Variants in METTL25B observed in about 807,000 individuals in gnomAD.
METTL25B encodes the protein methyltransferase like 25B, also known as methyltransferase-like protein 25B.
A neutral mutation model predicts 48.4 loss-of-function variants in METTL25B; 38 were observed. The ratio of observed to expected loss-of-function variants is 0.78; its 90% CI spans 0.61 to 1.03. The LOEUF (loss-of-function observed/expected upper bound fraction) is 1.03, where lower values mean the gene tolerates loss of function less well. METTL25B is among the 50% of genes least tolerant of loss of function. The probability of loss-of-function intolerance (pLI) is 0.00; values close to 1 mark genes in which losing one functional copy is unlikely to be tolerated. For synonymous variants in METTL25B, 230 were observed against 254.5 expected (o/e 0.90, Z 0.92); for missense variants, 537 against 603.7 (o/e 0.89, Z 1.16).
intron 1 of METTL25B, among the ~76,000 whole-genome samples, chr1:156,731,778 G>C (rs1389553561): frequency 6.6e-6 from 1 of 152,212 alleles, no homozygotes; most frequent in Non-Finnish European, 1.5e-5. Flanking sequence ...TGGACTCCAG[G>C]GAAACAGAGT....
chr1:156,734,382 G>T lies in METTL25B; in HGVS notation c.1010G>T (p.Arg337Leu), dbSNP rs564040904. ...ERLQKAGPGLRTHCYRAALET... is the reference protein window; with the variant it reads ...ERLQKAGPGLLTHCYRAALET... ...CTACAGAAAGCTGGCCCTGGCCTTC[G>T]AACTCACTGCTACCGTGCAGCACTG... The change falls in exon 6 of 8, where the codon CGA becomes CTA. Residue 337 changes from arginine to leucine, a missense_variant. Arg to Leu is a moderately radical substitution (Grantham distance 102). Transcript: ENST00000368216. 7 of 1,613,734 alleles carry T rather than the reference G, an allele frequency of 4.3e-6. No individual in the cohort carries two copies. The highest frequency in any genetic ancestry group is 4.2e-6 in the Non-Finnish European group (5 of 1,179,824).
At chr1:156,729,383 T>C in intron 1 of METTL25B, 168 bp downstream of exon 1, 2 of 519,994 alleles carry the variant, frequency 3.8e-6, no homozygotes, top group South Asian at 2.7e-5. Context: ...TCCTTTTTTT[T>C]CAGCTGACAT....
At chr1:156,729,402 TTTC>T in intron 1 of METTL25B, 187 bp downstream of exon 1, 6 of 480,606 alleles carry the variant, frequency 1.2e-5, no homozygotes, top group Middle Eastern at 4.8e-4. Context: ...ATAAATAATA[TTTC>T]TTTTTTTTTC....
At position 156,729,177 on chromosome 1, in the gene METTL25B, C is replaced by T. The variant is rs761044351; in HGVS notation, c.73C>T (p.Leu25=). The change falls in exon 1 of 8, where the codon CTG becomes TTG. Residue 25 remains leucine, a synonymous_variant. Transcript: ENST00000368216. The stretch of plus-strand genomic sequence containing the variant: ...GCTAGCTGTTAACCTCACCCGTGTC[C>T]TGGCACTCTACCGTTCCATCTTGGA... The part of the protein sequence containing the change: ...KQLAVNLTRV[L]ALYRSILDAY... 1.2e-6 allele frequency: 2 copies of T among 1,612,108 alleles called. No individual in the cohort carries two copies. The highest frequency in any genetic ancestry group is 1.1e-5 in the South Asian group (1 of 90,902).
In METTL25B at chr1:156,735,748, G is replaced by C. The variant is rs775649086; in HGVS notation, c.1145G>C (p.Arg382Pro). ...IEEYVQRGLQ[R>P]VGLDPQLPLN... ...AGATATGTGCAGCGGGGGCTACAGC[G>C]AGTGGGGCTAGATCCCCAGCTGCCA... Residue 382 changes from arginine (R) to proline (P), a missense_variant, in exon 7 of 8, where the codon CGA (arginine) becomes CCA (proline). By Grantham distance (103) the Arg-to-Pro change is moderately radical (BLOSUM62 -2). Transcript: ENST00000368216. 6.2e-6 allele frequency: 10 copies of C among 1,610,852 alleles called. No individual in the cohort carries two copies.
At chr1:156,729,255 G>C (rs772506797) in intron 1 of METTL25B, 40 bp downstream of exon 1, 1 of 1,308,276 alleles carries the variant, frequency 7.6e-7, no homozygotes, top group South Asian at 1.2e-5. Context: ...CTCTGGTCGT[G>C]TGGTTGGCTA....
intron 5 of METTL25B, 121 bp downstream of exon 5, chr1:156,733,641 T>C (rs1649476300): frequency 9.4e-7 from 1 of 1,068,028 alleles, no homozygotes; most frequent in African/African-American, 1.6e-5. Context: ...GTCCCTAATT[T>C]CTATTACCTC....
chr1:156,733,127 G>A, intron 4 of METTL25B, 80 bp downstream of exon 4: 1 of 1,365,170 alleles, frequency 7.3e-7, no homozygotes, highest in South Asian at 1.2e-5. Flanking sequence ...CGGGCCACAG[G>A]CCCAGCGAGG....
intron 1 of METTL25B, among the ~76,000 whole-genome samples, chr1:156,729,778 A>G (rs936347812): frequency 2.6e-5 from 4 of 151,982 alleles, no homozygotes; most frequent in African/African-American, 9.7e-5. Context: ...CTAACCCCCA[A>G]CTTGTCCTAG....
chr1:156,735,171 C>G (rs1440851664), intron 6 of METTL25B, among the ~76,000 whole-genome samples: 1 of 151,774 alleles, frequency 6.6e-6, no homozygotes, highest in Non-Finnish European at 1.5e-5. Flanking sequence ...CGCCTGTAAT[C>G]CCAGCTACTC....
rs1019365880 is a variant in METTL25B, at chr1:156,736,740, C to A, written c.1415C>A (p.Thr472Asn). Reference sequence around the variant, plus strand: ...GGTCAGGCTCTTTCTGTTCTGGAGACTGAAGACAGCTGATGCAGCCTGAGG... The same window carrying A: ...GGTCAGGCTCTTTCTGTTCTGGAGAATGAAGACAGCTGATGCAGCCTGAGG... Reference protein sequence around the residue: ...PLGQALSVLETEDS With the variant: ...PLGQALSVLENEDS Residue 472 changes from threonine to asparagine, a missense_variant, in exon 8 of 8, where the codon ACT becomes AAT. Physicochemically the swap from Thr to Asn is moderately conservative, Grantham distance 65. Transcript: ENST00000368216. 1 of 1,612,264 alleles carries A rather than the reference C, an allele frequency of 6.2e-7. No homozygotes were observed. The highest frequency in any genetic ancestry group is 8.5e-7 in the Non-Finnish European group (1 of 1,180,000).
intron 6 of METTL25B, 57 bp from the exon 7 acceptor site, chr1:156,735,668 G>T (rs1649717130): frequency 2.1e-6 from 3 of 1,442,098 alleles, no homozygotes; most frequent in Non-Finnish European, 2.8e-6. Flanking sequence ...CAAAGTTTAA[G>T]TGAGAGGTGA....
At chr1:156,730,704 C>G (rs1649210828) in intron 1 of METTL25B, among the ~76,000 whole-genome samples, 2 of 152,184 alleles carry the variant, frequency 1.3e-5, no homozygotes, top group South Asian at 4.1e-4. Context: ...TGCACTCCAG[C>G]CTAGGTGGCA....
intron 1 of METTL25B, among the ~76,000 whole-genome samples, chr1:156,730,385 C>T (rs1235387667): frequency 2.0e-5 from 3 of 152,096 alleles, no homozygotes; most frequent in Non-Finnish European, 4.4e-5. Flanking sequence ...GAAAGGCAAT[C>T]GCAGAATGGT....
intron 5 of METTL25B, 125 bp downstream of exon 5, chr1:156,733,645 T>C (rs1649476704): frequency 1.3e-5 from 14 of 1,058,790 alleles, no homozygotes; most frequent in Non-Finnish European, 1.9e-5. Context: ...CTAATTTCTA[T>C]TACCTCTTTC....
chr1:156,729,674 G>T, intron 1 of METTL25B: 1 of 160,630 alleles, frequency 6.2e-6, no homozygotes, highest in Non-Finnish European at 1.4e-5. Flanking sequence ...GAATAAATTC[G>T]TGGTTTTGTG....
chr1:156,734,691 C>T (rs1408457317), intron 6 of METTL25B, among the ~76,000 whole-genome samples, 198 bp downstream of exon 6: 1 of 151,790 alleles, frequency 6.6e-6, no homozygotes, highest in South Asian at 2.1e-4. Context: ...GCCACTACAC[C>T]CGGCTAATTT....
rs539303294 is a variant in METTL25B, at chr1:156,733,379, C to A, written c.495C>A (p.Gly165=). ...TTCCATCCTCCTCGTGACTCCAGGG[C>A]CATCTCTCCCGCTTCATGGCTCTTG... The part of the protein sequence containing the change: ...TQVVDVGSGQ[G]HLSRFMALGL... Residue 165 remains glycine (G), a splice_region_variant and synonymous_variant, in exon 5 of 8, where the codon GGC becomes GGA. Coordinates refer to ENST00000368216, the MANE Select transcript of METTL25B (RefSeq NM_015997.4). 1 of 1,614,048 alleles carries A rather than the reference C, an allele frequency of 6.2e-7. No individual in the cohort carries two copies. Among genetic ancestry groups the A allele is most frequent in the East Asian group, 2.2e-5 (1 of 44,878 alleles).
Position 156,729,064 on chromosome 1 carries a change from C to G in METTL25B, c.-41C>G. 8.2e-7 allele frequency: 1 copy of G among 1,217,596 alleles called. No homozygotes were observed. Among genetic ancestry groups the G allele is most frequent in the Non-Finnish European group, 1.2e-6 (1 of 837,868 alleles). 75.4% of individuals were successfully genotyped at this position (1,217,596 alleles called of 1,614,324 possible). The stretch of plus-strand genomic sequence containing the variant: ...GTAGTACTGACCCTGGATCCCTGTT[C>G]ACTGCGTTCTCGCTCCCCGCGCTCC... On this transcript the variant is annotated 5_prime_UTR_variant, in exon 1 of 8. Transcript: ENST00000368216.
Sources: gnomAD v4.1 joint callset for allele counts (sites outside exome capture counted in the v4.1 genomes callset) on GRCh38, gnomAD v4.1.1 for gene constraint, MANE v1.5 for transcripts, NCBI Gene and HGNC (gene_info 2026-07-23, HGNC 2026-07-21) for gene names.